The following POGZ variants were observed in gnomAD, a reference collection of about 807,000 sequenced individuals.
POGZ encodes the protein pogo transposable element derived with ZNF domain, also known as pogo transposable element with ZNF domain.
In POGZ, 17 loss-of-function variants were observed where a neutral mutation model predicts 134.6. The observed-to-expected ratio is 0.13, with a 90% CI of 0.09 to 0.19. The LOEUF (loss-of-function observed/expected upper bound fraction) is 0.19, where lower values mean the gene tolerates loss of function less well. Among genes scored for constraint, POGZ ranks in the 10% least tolerant of loss-of-function variants. The pLI is 1.00. For missense variants in POGZ, 1,306 were observed against 1,769.7 expected (o/e 0.74, Z 4.70); for synonymous variants, 693 against 657.1 (o/e 1.05, Z -0.84).
At chr1:151,435,193 G>A (rs764291694) in intron 3 of POGZ, among the ~76,000 whole-genome samples, 4 of 152,030 alleles carry the variant, frequency 2.6e-5, no homozygotes, top group Non-Finnish European at 5.9e-5. Context: ...GAGCCACTGC[G>A]CCCAGCCTTC....
chr1:151,418,607 CAT>C (rs369188387), intron 10 of POGZ, among the ~76,000 whole-genome samples: 33 of 152,288 alleles, frequency 2.2e-4, no homozygotes, highest in Admixed American at 3.9e-4. Context: ...AGCATAAACA[CAT>C]AGAGTGATGA....
chr1:151,458,483 C>T (rs1286575525), intron 1 of POGZ, among the ~76,000 whole-genome samples: 1 of 152,048 alleles, frequency 6.6e-6, no homozygotes, highest in Admixed American at 6.6e-5. Context: ...TTACATAACA[C>T]AAGGGATCGG....
chr1:151,411,382 T>C (rs1299227628), intron 12 of POGZ, among the ~76,000 whole-genome samples: 1 of 152,240 alleles, frequency 6.6e-6, no homozygotes, highest in Non-Finnish European at 1.5e-5. Flanking sequence ...TGATTTTCTA[T>C]ATCCTATAAT....
intron 3 of POGZ, among the ~76,000 whole-genome samples, chr1:151,431,234 C>A (rs535425267): frequency 1.3e-5 from 2 of 152,152 alleles, no homozygotes; most frequent in East Asian, 3.9e-4. Context: ...TAACACTTCA[C>A]CCATATGTCT....
chr1:151,458,376 C>G (rs1663023657), intron 1 of POGZ, among the ~76,000 whole-genome samples: 1 of 152,078 alleles, frequency 6.6e-6, no homozygotes, highest in African/African-American at 2.4e-5. Flanking sequence ...TAAATCACGG[C>G]GCCATCCCAA....
intron 7 of POGZ, 61 bp from the exon 8 acceptor site, chr1:151,425,122 C>T (rs1487890380): frequency 3.4e-6 from 3 of 895,468 alleles, no homozygotes; most frequent in African/African-American, 3.3e-5. Flanking sequence ...AGATTACTGA[C>T]CTTTTGGGAA....
intron 10 of POGZ, among the ~76,000 whole-genome samples, chr1:151,418,111 G>C (rs141209765): frequency 8.9e-4 from 136 of 152,114 alleles, no homozygotes; most frequent in African/African-American, 3.1e-3. Flanking sequence ...AGCTACTCAG[G>C]AGGCTAAGGC....
chr1:151,452,283 G>A (rs1179695732), intron 1 of POGZ, among the ~76,000 whole-genome samples: 1 of 151,496 alleles, frequency 6.6e-6, no homozygotes, highest in Admixed American at 6.7e-5. Flanking sequence ...TTATTCCTAG[G>A]AAATGCACAA....
chr1:151,414,222 GT>G (rs1179279381), intron 10 of POGZ, among the ~76,000 whole-genome samples: 1 of 151,962 alleles, frequency 6.6e-6, no homozygotes, highest in Admixed American at 6.6e-5. Context: ...TTAACCACAT[GT>G]TTGGGAAACA....
intron 10 of POGZ, 40 bp downstream of exon 10, chr1:151,423,357 A>C (rs1380176852): frequency 6.4e-7 from 1 of 1,570,500 alleles, no homozygotes; most frequent in Non-Finnish European, 8.8e-7. Context: ...AGTGAACAGC[A>C]AGGTATATTC....
At chr1:151,458,599 G>A (rs1225620345) in intron 1 of POGZ, among the ~76,000 whole-genome samples, 1 of 146,132 alleles carries the variant, frequency 6.8e-6, no homozygotes, top group Non-Finnish European at 1.5e-5. Flanking sequence ...CCCAGGGGCC[G>A]CTCCGCCGCC....
chr1:151,439,351 AATC>A (rs914269885), intron 3 of POGZ, among the ~76,000 whole-genome samples: 1 of 152,164 alleles, frequency 6.6e-6, no homozygotes, highest in African/African-American at 2.4e-5. Flanking sequence ...TTCCCCATAA[AATC>A]ATCATATTTT....
chr1:151,458,844 C>G (rs1184227034), intron 1 of POGZ, among the ~76,000 whole-genome samples: 1 of 145,302 alleles, frequency 6.9e-6, no homozygotes, highest in Non-Finnish European at 1.5e-5. Flanking sequence ...CGCCGGGGGG[C>G]GGGGGCGGCC....
At position 151,456,690 on chromosome 1, in the gene POGZ, T is replaced by C. The variant is rs1441283434; in HGVS notation, c.-2+2462A>G. Among the ~76,000 whole-genome samples, 3 of 152,276 alleles carry C rather than the reference T, an allele frequency of 2.0e-5. No individual in the cohort carries two copies. The South Asian group carries it at 6.2e-4, about 32-fold the overall frequency. On this transcript the variant is annotated intron_variant, in intron 1 of 18. Transcript: ENST00000271715. ...ATAATAGGCCGGGCACGGTGGCTCA[T>C]GCCTGTAATCCCAGCACTTTGGGAC...
intron 1 of POGZ, among the ~76,000 whole-genome samples, chr1:151,448,662 G>C (rs567063794): frequency 6.6e-6 from 1 of 151,970 alleles, no homozygotes; most frequent in Non-Finnish European, 1.5e-5. Context: ...AGAGGTTCGA[G>C]ACCAGCCTGG....
rs1344447966 is a variant in POGZ at position 151,406,261 on chromosome 1, T to A, written c.2774A>T (p.Gln925Leu). ...AGCCAGCGGTGGAAGGGCTAAAGCC[T>A]GCGGGTGAGTGGGGGTTGGTGGTGG... Reference protein sequence around the residue: ...ATPPPTPTHPQALALPPLATE... With the variant: ...ATPPPTPTHPLALALPPLATE... Residue 925 changes from glutamine to leucine, a missense_variant, in exon 19 of 19, where the codon CAG becomes CTG. Around this residue, in one of 10 missense-constraint regions of POGZ, gnomAD observed 214 missense variants for 255.5 expected, o/e 0.84. Transcript: ENST00000271715. 6.2e-7 allele frequency: 1 copy of A among 1,613,286 alleles called. No homozygotes were observed. The highest frequency in any genetic ancestry group is 1.7e-5 in the Admixed American group (1 of 59,988).
chr1:151,454,797 C>T (rs1158595223), intron 1 of POGZ, among the ~76,000 whole-genome samples: 1 of 152,220 alleles, frequency 6.6e-6, no homozygotes, highest in Non-Finnish European at 1.5e-5. Context: ...CTGCTCTCCT[C>T]CCCTTGGTTA....
intron 10 of POGZ, among the ~76,000 whole-genome samples, chr1:151,422,601 T>G (rs1557898642): frequency 6.6e-6 from 1 of 152,176 alleles, no homozygotes; most frequent in Non-Finnish European, 1.5e-5. Context: ...ATTATCTTTT[T>G]TTTTTTGGAG....
At chr1:151,442,458 C>T (rs1246795162) in intron 1 of POGZ, 5 of 269,986 alleles carry the variant, frequency 1.9e-5, no homozygotes, top group African/African-American at 1.1e-4. Flanking sequence ...ACCTGTAATC[C>T]CAACATTTTG....
Sources: allele counts gnomAD v4.1 joint callset (sites outside exome capture counted in the v4.1 genomes callset), GRCh38; gene constraint gnomAD v4.1.1; regional missense constraint gnomAD v4.1.1; transcripts MANE v1.5; gene names NCBI Gene and HGNC (gene_info 2026-07-23, HGNC 2026-07-21).